PTPRD: variants seen among roughly 807,000 people sequenced by gnomAD.
PTPRD encodes the protein receptor-type tyrosine-protein phosphatase delta.
In PTPRD, 34 loss-of-function variants were observed where a neutral mutation model predicts 214.5. The ratio of observed to expected loss-of-function variants is 0.16; its 90% confidence interval spans 0.12 to 0.21. The LOEUF (loss-of-function observed/expected upper bound fraction) is 0.21, where lower values mean the gene tolerates loss of function less well. Ranked by LOEUF, PTPRD falls within the 10% of genes least tolerant of loss-of-function variation. PTPRD has a pLI of 1.00. For synonymous variants in PTPRD, 1,128 were observed against 845.7 expected (o/e 1.33, Z -5.79); for missense variants, 2,545 against 2,398.7 (o/e 1.06, Z -1.27).
chr9:9,705,900 A>T lies in PTPRD; in HGVS notation c.-287+28633T>A, dbSNP rs1320618845. 3.3e-5 allele frequency among the ~76,000 whole-genome samples: 5 copies of T among 152,286 alleles called. 1 individual carries two copies. In the East Asian group the frequency reaches 9.6e-4, roughly 29 times the overall value. On this transcript the variant is annotated intron_variant, in intron 7 of 45. Coordinates refer to ENST00000381196, the MANE Select transcript of PTPRD (RefSeq NM_002839.4). ...GGCAGTGACCTCAAAGAGAGGTAGT[A>T]TGGCTTAGTGGAAAGTATGTATTAG...
chr9:10,476,011 C>T (rs752129719), intron 2 of PTPRD, among the ~76,000 whole-genome samples: 2 of 151,968 alleles, frequency 1.3e-5, no homozygotes, highest in Non-Finnish European at 2.9e-5. Context: ...TTATAACAAG[C>T]CCATAGCCAA....
intron 35 of PTPRD, among the ~76,000 whole-genome samples, chr9:8,425,517 T>C (rs963846712): frequency 2.0e-5 from 3 of 152,194 alleles, no homozygotes; most frequent in Non-Finnish European, 4.4e-5. Flanking sequence ...CTCATCTCCA[T>C]GCTTTTGCAT....
At chr9:8,977,069 A>T (rs1589193912) in intron 11 of PTPRD, among the ~76,000 whole-genome samples, 1 of 152,054 alleles carries the variant, frequency 6.6e-6, no homozygotes, top group East Asian at 1.9e-4. Flanking sequence ...TCTGTTACGC[A>T]TCCTCTTAAC....
chr9:8,851,619 T>C (rs559926344), intron 11 of PTPRD, among the ~76,000 whole-genome samples: 37 of 152,318 alleles, frequency 2.4e-4, no homozygotes, highest in Admixed American at 5.9e-4. Flanking sequence ...TCATAGGAAC[T>C]AGTGTTCTTG....
At chr9:10,540,911 C>T (rs1469305586) in intron 2 of PTPRD, among the ~76,000 whole-genome samples, 1 of 152,044 alleles carries the variant, frequency 6.6e-6, no homozygotes, top group East Asian at 1.9e-4. Flanking sequence ...GAATGAAATA[C>T]CAGGGGTGTT....
chr9:8,509,099 T>C (rs1335278883), intron 21 of PTPRD, among the ~76,000 whole-genome samples: 4 of 152,156 alleles, frequency 2.6e-5, no homozygotes, highest in Admixed American at 1.3e-4. Context: ...CACATTTTTT[T>C]CCCCAGTACC....
intron 28 of PTPRD, 69 bp from the exon 29 acceptor site, chr9:8,485,393 G>A: frequency 9.4e-7 from 1 of 1,059,608 alleles, no homozygotes; most frequent in South Asian, 1.4e-5. Context: ...TTCCACCATG[G>A]ACCATAGGGG....
At chr9:8,428,189 A>G (rs555538142) in intron 35 of PTPRD, among the ~76,000 whole-genome samples, 3 of 152,180 alleles carry the variant, frequency 2.0e-5, no homozygotes, top group Non-Finnish European at 4.4e-5. Context: ...CTCAACAAGT[A>G]GAAAGCCCGG....
At chr9:9,602,846 C>G (rs934318644) in intron 7 of PTPRD, among the ~76,000 whole-genome samples, 8 of 152,046 alleles carry the variant, frequency 5.3e-5, no homozygotes, top group Non-Finnish European at 1.0e-4. Flanking sequence ...TATCTATTCC[C>G]TCAAGCTATG....
chr9:9,618,640 A>T (rs1406589381), intron 7 of PTPRD, among the ~76,000 whole-genome samples: 1 of 152,206 alleles, frequency 6.6e-6, no homozygotes, highest in African/African-American at 2.4e-5. Flanking sequence ...TGAAAGTAGT[A>T]AGATAATACA....
At chr9:9,626,854 C>T (rs2154356557) in intron 7 of PTPRD, among the ~76,000 whole-genome samples, 2 of 152,184 alleles carry the variant, frequency 1.3e-5, no homozygotes, top group Admixed American at 1.3e-4. Context: ...ACCAACATAA[C>T]AGACCTATAT....
intron 3 of PTPRD, among the ~76,000 whole-genome samples, chr9:10,295,247 T>C (rs922582318): frequency 6.6e-6 from 1 of 152,080 alleles, no homozygotes; most frequent in Non-Finnish European, 1.5e-5. Context: ...ATTTTAAGAT[T>C]TCGGTTAACA....
At chr9:8,330,028 G>A (rs558366238) in intron 44 of PTPRD, among the ~76,000 whole-genome samples, 1 of 152,100 alleles carries the variant, frequency 6.6e-6, no homozygotes, top group African/African-American at 2.4e-5. Flanking sequence ...GAATCTCCTG[G>A]TTTACCAGTT....
chr9:9,874,735 T>G (rs2066391640), intron 5 of PTPRD, among the ~76,000 whole-genome samples: 1 of 152,216 alleles, frequency 6.6e-6, no homozygotes, highest in Non-Finnish European at 1.5e-5. Flanking sequence ...ACGGTCTCCC[T>G]AAATCACGTG....
chr9:8,996,442 G>C (rs778197798), intron 11 of PTPRD, among the ~76,000 whole-genome samples: 8 of 152,082 alleles, frequency 5.3e-5, no homozygotes, highest in Non-Finnish European at 1.2e-4. Flanking sequence ...GCAGCAAACA[G>C]AGCAGTTGTT....
intron 2 of PTPRD, among the ~76,000 whole-genome samples, chr9:10,586,153 C>G (rs559282730): frequency 2.6e-5 from 4 of 151,974 alleles, no homozygotes; most frequent in Non-Finnish European, 2.9e-5. Context: ...TCTGAGAATC[C>G]TGTTGTTGTT....
chr9:9,749,069 A>G (rs1596648913), intron 6 of PTPRD, among the ~76,000 whole-genome samples: 2 of 152,080 alleles, frequency 1.3e-5, no homozygotes, highest in Non-Finnish European at 2.9e-5. Context: ...GAGTGTCTCC[A>G]TTAGAACAAT....
intron 11 of PTPRD, among the ~76,000 whole-genome samples, chr9:9,017,456 G>C (rs958323790): frequency 3.9e-5 from 6 of 152,064 alleles, no homozygotes; most frequent in African/African-American, 1.4e-4. Context: ...TTGAACGCCG[G>C]AGTAATTTGA....
intron 9 of PTPRD, among the ~76,000 whole-genome samples, chr9:9,371,336 G>C (rs146892842): frequency 0.045 from 6,897 of 151,960 alleles, 516 homozygotes; most frequent in African/African-American, 0.16. Context: ...CTGGTTTAGC[G>C]TTGGGAGGTT....
Sources: gnomAD v4.1 joint callset for allele counts (sites outside exome capture counted in the v4.1 genomes callset) on GRCh38, gnomAD v4.1.1 for gene constraint, MANE v1.5 for transcripts, NCBI Gene and HGNC (gene_info 2026-07-23, HGNC 2026-07-21) for gene names.